CRTC1: variants seen among roughly 807,000 people sequenced by gnomAD.
The protein encoded by CRTC1 is CREB-regulated transcription coactivator 1.
CRTC1 carries 18 observed loss-of-function variants against 66.1 expected under a neutral mutation model. The ratio of observed to expected loss-of-function variants is 0.27; its 90% CI spans 0.19 to 0.40. The LOEUF is 0.40. CRTC1 is among the 10% of genes least tolerant of loss of function. The pLI is 1.00. For missense variants in CRTC1, 669 were observed against 887.9 expected (o/e 0.75, Z 3.13); for synonymous variants, 416 against 398.8 (o/e 1.04, Z -0.51).
chr19:18,691,806 C>T (rs1047231103), intron 1 of CRTC1, among the ~76,000 whole-genome samples: 10 of 152,062 alleles, frequency 6.6e-5, no homozygotes, highest in African/African-American at 1.9e-4. Flanking sequence ...CTCCTTCTCC[C>T]GTGTTCAAGC....
intron 8 of CRTC1, among the ~76,000 whole-genome samples, chr19:18,765,157 T>C (rs1036979137): frequency 2.6e-5 from 4 of 152,166 alleles, no homozygotes; most frequent in South Asian, 4.1e-4. Context: ...GGGGATGTGC[T>C]GGTTGGCTGG....
chr19:18,770,801 T>G (rs1568540548), intron 10 of CRTC1, among the ~76,000 whole-genome samples: 2 of 150,812 alleles, frequency 1.3e-5, no homozygotes, highest in East Asian at 1.9e-4. Context: ...TATGTGTGTG[T>G]GGGTGTGTAC....
In CRTC1 at chr19:18,768,100, G is replaced by C. The variant is rs1162943304; in HGVS notation, c.1012-385G>C. On this transcript the variant is annotated intron_variant, in intron 9 of 13. Coordinates refer to ENST00000321949, the MANE Select transcript of CRTC1 (RefSeq NM_015321.3). The surrounding 1 kb of genome is among the most constrained non-coding windows in gnomAD (Gnocchi z 5.6). Reference sequence around the variant, plus strand: ...GGGCGGGGGGGTTTGGGAAGGCAAGGCCAGTGGATCACTTGAGGTTTCCCC... The same window carrying C: ...GGGCGGGGGGGTTTGGGAAGGCAAGCCCAGTGGATCACTTGAGGTTTCCCC... Among the ~76,000 whole-genome samples, 1 of 152,218 alleles carries C rather than the reference G, an allele frequency of 6.6e-6. No individual in the cohort carries two copies. The highest frequency in any genetic ancestry group is 1.5e-5 in the Non-Finnish European group (1 of 68,030).
At chr19:18,739,029 C>T (rs776631100) in intron 1 of CRTC1, among the ~76,000 whole-genome samples, 1 of 152,196 alleles carries the variant, frequency 6.6e-6, no homozygotes, top group Non-Finnish European at 1.5e-5. Context: ...CAGCAGGGCC[C>T]TCCAAATCGC....
At chr19:18,776,957 G>GCCAGACTGGTCTCTGGGGT (rs1456398385) in intron 13 of CRTC1, among the ~76,000 whole-genome samples, 1 of 152,200 alleles carries the variant, frequency 6.6e-6, no homozygotes, top group African/African-American at 2.4e-5. Flanking sequence ...GACATCTAGG[G>GCCAGACTGGTCTCTGGGGT]CCAGACTGGT....
chr19:18,731,697 G>A (rs35765580), intron 1 of CRTC1, among the ~76,000 whole-genome samples: 7,312 of 151,964 alleles, frequency 0.048, 261 homozygotes, highest in Non-Finnish European at 0.071. Flanking sequence ...GCCCCCTTGC[G>A]TCCCCAGCCC....
chr19:18,742,506 C>T (rs879407772), intron 1 of CRTC1, among the ~76,000 whole-genome samples: 2 of 152,272 alleles, frequency 1.3e-5, no homozygotes, highest in Non-Finnish European at 2.9e-5. Flanking sequence ...GGGAAGCCGC[C>T]TGGCCTGCCA....
chr19:18,755,757 C>T (rs931128299), intron 6 of CRTC1, among the ~76,000 whole-genome samples: 3 of 151,852 alleles, frequency 2.0e-5, no homozygotes, highest in Non-Finnish European at 4.4e-5. Context: ...TGTGAGCTAC[C>T]GTGCCCGGCC....
At chr19:18,775,078 T>C (rs2054954988) in intron 12 of CRTC1, 92 bp downstream of exon 12, 2 of 1,297,678 alleles carry the variant, frequency 1.5e-6, no homozygotes, top group East Asian at 4.8e-5. Flanking sequence ...GAGTCAGAGC[T>C]GCACGTGCTC....
intron 1 of CRTC1, among the ~76,000 whole-genome samples, chr19:18,710,067 A>T (rs1236516645): frequency 2.1e-5 from 3 of 140,576 alleles, no homozygotes; most frequent in Non-Finnish European, 4.6e-5. Context: ...AGCCACTGTC[A>T]TGGTCACTCT....
chr19:18,693,449 A>G (rs1445842386), intron 1 of CRTC1, among the ~76,000 whole-genome samples: 4 of 150,204 alleles, frequency 2.7e-5, no homozygotes, highest in African/African-American at 4.9e-5. Context: ...TGCAATCAAG[A>G]CAGGTTTTAC....
chr19:18,763,089 A>G (rs2054651115), intron 8 of CRTC1, among the ~76,000 whole-genome samples: 1 of 151,920 alleles, frequency 6.6e-6, no homozygotes, highest in Non-Finnish European at 1.5e-5. Context: ...ACAGTTGCCT[A>G]CTGTTTTTAA....
Position 18,779,776 on chromosome 19 carries a change from G to A in CRTC1, c.*2394G>A, listed in dbSNP as rs368456970. The A allele has an allele frequency of 2.2e-5, 5 of 223,310 alleles. No homozygotes were observed. The highest frequency in any genetic ancestry group is 1.9e-4 in the East Asian group (3 of 15,450). The allele number at this position is 223,310 out of a possible 1,614,324, so 13.8% of individuals were successfully genotyped here. On this transcript the variant is annotated 3_prime_UTR_variant, in exon 14 of 14. Coordinates refer to ENST00000321949, the MANE Select transcript of CRTC1 (RefSeq NM_015321.3). ...AGATTCACAGTGACATTGTGTTAAC[G>A]TGACGACCTTGGTCCATTATGGAGT...
chr19:18,777,070 A>G lies in CRTC1; in HGVS notation c.1694-101A>G, dbSNP rs1449463195. On this transcript the variant is annotated intron_variant, in intron 13 of 13. Transcript: ENST00000321949. The surrounding 1 kb of genome is among the most constrained non-coding windows in gnomAD (Gnocchi z 5.5). ...GTCCCCAGACATTGCCAGCATACCC[A>G]GGGGACAGAGTCGCCCGGCGGGCAT... is the stretch of plus-strand genomic sequence containing the variant. 2.9e-6 allele frequency: 2 copies of G among 696,636 alleles called. No individual in the cohort carries two copies. The highest frequency in any genetic ancestry group is 5.1e-6 in the Non-Finnish European group (2 of 392,288). The allele number at this position is 696,636 out of a possible 1,614,324, so 43.2% of individuals were successfully genotyped here.
rs977540298 is a variant in CRTC1, at chr19:18,781,497, C to A, written c.*4115C>A. 71 of 229,568 alleles carry A rather than the reference C, an allele frequency of 3.1e-4. 1 individual carries two copies. In the East Asian group the frequency reaches 4.4e-3, roughly 14 times the overall value. The allele number at this position is 229,568 out of a possible 1,614,324, so 14.2% of individuals were successfully genotyped here. On this transcript the variant is annotated 3_prime_UTR_variant, in exon 14 of 14. Coordinates refer to ENST00000321949, the MANE Select transcript of CRTC1 (RefSeq NM_015321.3). ...GTCCTGGCCAGGCAGGGGTCAGGCA[C>A]CCCATACTCTTCCGTGTGGCACAGG...
In CRTC1 at chr19:18,775,650, T is replaced by C; in HGVS notation, c.1522T>C (p.Phe508Leu). The C allele has an allele frequency of 6.3e-7, 1 of 1,596,198 alleles. No homozygotes were observed. The highest frequency in any genetic ancestry group is 8.5e-7 in the Non-Finnish European group (1 of 1,171,624). Residue 508 changes from phenylalanine to leucine, a missense_variant, in exon 13 of 14, where the codon TTC (phenylalanine) becomes CTC (leucine). Transcript: ENST00000321949. Reference protein sequence around the residue: ...ANALSHQLEQFNMMENAISSS... With the variant: ...ANALSHQLEQLNMMENAISSS... ...GTGCCTCCCTTCCCAGCTGGAGCAG[T>C]TCAACATGATGGAGAACGCCATCAG...
At chr19:18,707,884 A>G (rs1254537582) in intron 1 of CRTC1, among the ~76,000 whole-genome samples, 1 of 152,232 alleles carries the variant, frequency 6.6e-6, no homozygotes, top group East Asian at 1.9e-4. Flanking sequence ...CAGCTATGTG[A>G]CCCTGGGCAA....
intron 1 of CRTC1, among the ~76,000 whole-genome samples, chr19:18,692,716 C>T (rs2052873611): frequency 6.6e-6 from 1 of 152,020 alleles, no homozygotes; most frequent in South Asian, 2.1e-4. Flanking sequence ...GGCTGCAGGG[C>T]TGGGTGAGGA....
intron 13 of CRTC1, among the ~76,000 whole-genome samples, chr19:18,776,490 G>A (rs576890554): frequency 6.1e-4 from 93 of 152,310 alleles, no homozygotes; most frequent in Middle Eastern, 3.4e-3. Flanking sequence ...GGAAGTGTCC[G>A]TATTTAGTGC....
Sources: allele counts gnomAD v4.1 joint callset (sites outside exome capture counted in the v4.1 genomes callset), GRCh38; gene constraint gnomAD v4.1.1; non-coding constraint Gnocchi (gnomAD v3.1); transcripts MANE v1.5; gene names NCBI Gene and HGNC (gene_info 2026-07-23, HGNC 2026-07-21).